The following BCO2 variants were observed in gnomAD, a reference collection of about 807,000 sequenced individuals.
BCO2 encodes the protein beta-carotene oxygenase 2, also known as carotenoid-cleaving dioxygenase, mitochondrial.
Under a neutral mutation model 65.8 loss-of-function variants are expected in BCO2, and 56 were observed. The ratio of observed to expected loss-of-function variants is 0.85; its 90% CI spans 0.69 to 1.06. The LOEUF is 1.06. BCO2 is among the 50% of genes least tolerant of loss of function. The pLI, the probability that BCO2 is intolerant of heterozygous loss-of-function variation, is 0.00. For synonymous variants in BCO2, 233 were observed against 242.3 expected (o/e 0.96, Z 0.36); for missense variants, 675 against 698.5 (o/e 0.97, Z 0.38).
At chr11:112,213,276 TG>T (rs939898831) in intron 8 of BCO2, among the ~76,000 whole-genome samples, 3 of 150,346 alleles carry the variant, frequency 2.0e-5, no homozygotes, top group Admixed American at 6.7e-5. Context: ...CCCGAGTAGC[TG>T]GGATTAGAGG....
chr11:112,187,141 A>AC (rs146969152), intron 2 of BCO2, among the ~76,000 whole-genome samples: 22 of 152,170 alleles, frequency 1.4e-4, no homozygotes, highest in Non-Finnish European at 2.9e-4. Flanking sequence ...CATTAAACTT[A>AC]TTTTTTTCAT....
chr11:112,194,135 CT>C, intron 4 of BCO2, 141 bp downstream of exon 4: 1 of 609,498 alleles, frequency 1.6e-6, no homozygotes. Flanking sequence ...TGCAGGTCAC[CT>C]TTACTCTCTG....
At chr11:112,189,311 A>G (rs1349438349) in intron 2 of BCO2, among the ~76,000 whole-genome samples, 1 of 152,134 alleles carries the variant, frequency 6.6e-6, no homozygotes, top group Non-Finnish European at 1.5e-5. Context: ...GCTTGAGGAA[A>G]GGAGTTCGAG....
chr11:112,181,062 G>A, intron 2 of BCO2: 2 of 1,481,544 alleles, frequency 1.3e-6, no homozygotes, highest in Non-Finnish European at 1.9e-6. Context: ...AATGTTGGAG[G>A]GCGGTACTTT....
chr11:112,199,118 CCCCTGAAAGG>C (rs1357525200), intron 5 of BCO2, among the ~76,000 whole-genome samples: 2 of 152,096 alleles, frequency 1.3e-5, no homozygotes, highest in Non-Finnish European at 2.9e-5. Context: ...AGCTCCCCAC[CCCCTGAAAGG>C]CCCTGGTGTG....
intron 1 of BCO2, among the ~76,000 whole-genome samples, 179 bp from the exon 2 acceptor site, chr11:112,179,099 C>A (rs1430254256): frequency 6.6e-6 from 1 of 150,980 alleles, no homozygotes; most frequent in Non-Finnish European, 1.5e-5. Flanking sequence ...AATGGAGAAC[C>A]AAAGCGTTGA....
intron 1 of BCO2, among the ~76,000 whole-genome samples, chr11:112,178,503 G>A (rs1483926124): frequency 6.6e-6 from 1 of 152,148 alleles, no homozygotes; most frequent in Non-Finnish European, 1.5e-5. Flanking sequence ...AAACTTTTAT[G>A]AGATAAAGAA....
At chr11:112,198,924 C>A (rs969156536) in intron 5 of BCO2, among the ~76,000 whole-genome samples, 15 of 151,176 alleles carry the variant, frequency 9.9e-5, no homozygotes, top group African/African-American at 3.4e-4. Context: ...ACATATGAGA[C>A]AGGTCCATTA....
intron 8 of BCO2, among the ~76,000 whole-genome samples, 156 bp downstream of exon 8, chr11:112,202,346 G>A (rs942890412): frequency 9.2e-5 from 14 of 151,812 alleles, no homozygotes; most frequent in African/African-American, 2.9e-4. Flanking sequence ...GCAATGGTGC[G>A]ATCTCGGCTC....
chr11:112,184,980 G>T (rs1438764130), intron 2 of BCO2, among the ~76,000 whole-genome samples: 1 of 151,954 alleles, frequency 6.6e-6, no homozygotes. Context: ...AACAGTAAAG[G>T]GTACATATGC....
chr11:112,192,924 G>GTTTTTTTT (rs1566778459), intron 2 of BCO2, among the ~76,000 whole-genome samples: 1 of 3,648 alleles, frequency 2.7e-4, no homozygotes, highest in Non-Finnish European at 1.4e-3. Context: ...TAAAATGTGA[G>GTTTTTTTT]GTTTTTTTTT....
At chr11:112,196,062 T>C (rs1405778903) in intron 5 of BCO2, among the ~76,000 whole-genome samples, 4 of 152,178 alleles carry the variant, frequency 2.6e-5, no homozygotes, top group African/African-American at 7.2e-5. Context: ...ATTGGGCAGG[T>C]CCAATCTTTC....
intron 2 of BCO2, among the ~76,000 whole-genome samples, chr11:112,183,767 T>C (rs146680093): frequency 1.1e-3 from 161 of 152,354 alleles, no homozygotes; most frequent in African/African-American, 3.7e-3. Context: ...GTTTTTACAA[T>C]GTTTACTTTT....
In BCO2 at chr11:112,194,659, T is replaced by C; in HGVS notation, c.640T>C (p.Trp214Arg). 1 of 1,609,550 alleles carries C rather than the reference T, an allele frequency of 6.2e-7. No homozygotes were observed. The highest frequency in any genetic ancestry group is 2.2e-5 in the East Asian group (1 of 44,812). The change falls in exon 5 of 12, where the codon TGG becomes CGG. Residue 214 changes from tryptophan (W) to arginine (R), a missense_variant. Transcript: ENST00000357685. ...AGTGGTCTCAAATTTGCAGGTAGATTGGAGCAAATTTATTGCTGTGAATGG... is the reference window on the plus strand; with the variant it reads ...AGTGGTCTCAAATTTGCAGGTAGATCGGAGCAAATTTATTGCTGTGAATGG... ...ETLEKTEKVD[W>R]SKFIAVNGAT...
chr11:112,209,813 G>C (rs1471988002), intron 8 of BCO2, among the ~76,000 whole-genome samples: 1 of 151,986 alleles, frequency 6.6e-6, no homozygotes, highest in South Asian at 2.1e-4. Context: ...AATCCCAATT[G>C]GTCGCATTTT....
intron 2 of BCO2, among the ~76,000 whole-genome samples, chr11:112,191,272 T>C (rs907532902): frequency 2.6e-5 from 4 of 152,064 alleles, no homozygotes; most frequent in Non-Finnish European, 5.9e-5. Context: ...AGAGGATCAA[T>C]GATAAAACTA....
At chr11:112,181,187 T>TTTTTTG in intron 2 of BCO2, 13 of 932,378 alleles carry the variant, frequency 1.4e-5, no homozygotes, top group Admixed American at 4.0e-5. Flanking sequence ...TTTCTTTTTT[T>TTTTTTG]TTTTTTTTTT....
At chr11:112,197,236 CTT>C (rs149823573) in intron 5 of BCO2, among the ~76,000 whole-genome samples, 3,037 of 152,222 alleles carry the variant, frequency 0.02, 102 homozygotes, top group African/African-American at 0.068. Context: ...ACATTTATCT[CTT>C]ACATCAGTTG....
intron 8 of BCO2, among the ~76,000 whole-genome samples, chr11:112,211,352 A>ACACACACACACACACACACACT (rs147391427): frequency 6.7e-6 from 1 of 148,870 alleles, no homozygotes; most frequent in African/African-American, 2.5e-5. Flanking sequence ...ACACACACAC[A>ACACACACACACACACACACACT]ATATTTGTTT....
Sources: allele counts gnomAD v4.1 joint callset (sites outside exome capture counted in the v4.1 genomes callset), GRCh38; gene constraint gnomAD v4.1.1; transcripts MANE v1.5; gene names NCBI Gene and HGNC (gene_info 2026-07-23, HGNC 2026-07-21).